Variants in THADA observed in about 807,000 individuals in gnomAD.
THADA encodes the protein THADA armadillo repeat containing.
A neutral mutation model predicts 219.8 loss-of-function variants in THADA; 213 were observed. The observed-to-expected ratio is 0.97, with a 90% CI of 0.87 to 1.09. The LOEUF (loss-of-function observed/expected upper bound fraction) is 1.09. Among genes scored for constraint, THADA ranks in the 50% least tolerant of loss-of-function variants. THADA has a pLI of 0.00. For missense variants in THADA, 2,956 were observed against 2,311.3 expected, an observed-to-expected ratio of 1.28 and a Z score of -5.72; for synonymous variants, 1,018 against 828.9, an observed-to-expected ratio of 1.23 and a Z score of -3.92.
chr2:43,484,614 C>A (rs1047882934), intron 26 of THADA, among the ~76,000 whole-genome samples: 6 of 152,090 alleles, frequency 3.9e-5, no homozygotes, highest in Admixed American at 1.3e-4. Context: ...GCATTTTTAT[C>A]TAAAAACTAC....
intron 23 of THADA, among the ~76,000 whole-genome samples, chr2:43,508,225 T>C (rs1006574568): frequency 5.3e-5 from 8 of 152,222 alleles, no homozygotes; most frequent in African/African-American, 1.9e-4. Context: ...GGACGTTTTA[T>C]AGGAGAATTG....
intron 36 of THADA, among the ~76,000 whole-genome samples, chr2:43,263,175 C>A (rs1172673104): frequency 6.6e-6 from 1 of 152,176 alleles, no homozygotes. Context: ...CTAATCCCTC[C>A]CCAGTAGCCC....
intron 36 of THADA, among the ~76,000 whole-genome samples, chr2:43,273,055 C>A (rs1343848784): frequency 6.6e-6 from 1 of 151,974 alleles, no homozygotes; most frequent in Non-Finnish European, 1.5e-5. Context: ...TCAAGACCAG[C>A]CTGGGCAACA....
intron 8 of THADA, among the ~76,000 whole-genome samples, chr2:43,581,339 G>A (rs1254648332): frequency 2.6e-5 from 4 of 151,970 alleles, no homozygotes; most frequent in African/African-American, 7.3e-5. Context: ...AGAACAGCCT[G>A]GCCAACATGG....
intron 15 of THADA, chr2:43,564,819 C>G (rs1443427257): frequency 6.6e-6 from 1 of 152,184 alleles, no homozygotes; most frequent in Non-Finnish European, 1.5e-5. Flanking sequence ...ATCAAATCAT[C>G]AGGAAACAAT....
At chr2:43,496,983 T>C (rs1688349129) in intron 25 of THADA, among the ~76,000 whole-genome samples, 1 of 152,170 alleles carries the variant, frequency 6.6e-6, no homozygotes, top group African/African-American at 2.4e-5. Flanking sequence ...AAAACCACAA[T>C]GAGATACCAT....
intron 30 of THADA, among the ~76,000 whole-genome samples, chr2:43,336,276 T>G (rs1436098137): frequency 6.6e-6 from 1 of 151,846 alleles, no homozygotes; most frequent in East Asian, 2.0e-4. Flanking sequence ...AACCATTTTT[T>G]TTTGTTTGTT....
At chr2:43,470,193 G>A (rs1171060451) in intron 26 of THADA, among the ~76,000 whole-genome samples, 13 of 144,190 alleles carry the variant, frequency 9.0e-5, no homozygotes, top group Non-Finnish European at 1.3e-4. Context: ...GGGTGACACG[G>A]TGAGACCTTG....
intron 32 of THADA, 127 bp downstream of exon 32, chr2:43,292,707 C>G (rs1572942216): frequency 4.2e-6 from 5 of 1,193,140 alleles, no homozygotes; most frequent in African/African-American, 1.5e-5. Context: ...CCACTGGCTG[C>G]CGAATCTACT....
chr2:43,575,658 G>A (rs763346853), intron 10 of THADA, among the ~76,000 whole-genome samples: 1 of 151,922 alleles, frequency 6.6e-6, no homozygotes, highest in Non-Finnish European at 1.5e-5. Context: ...TGCCTCAGCC[G>A]CCTCAGTAGC....
At chr2:43,315,712 C>A (rs1177386092) in intron 31 of THADA, among the ~76,000 whole-genome samples, 1 of 152,218 alleles carries the variant, frequency 6.6e-6, no homozygotes, top group Non-Finnish European at 1.5e-5. Context: ...GGCAATCCTC[C>A]TGCTTTGTCC....
At chr2:43,514,209 G>T (rs1690868250) in intron 22 of THADA, among the ~76,000 whole-genome samples, 1 of 151,746 alleles carries the variant, frequency 6.6e-6, no homozygotes, top group Non-Finnish European at 1.5e-5. Context: ...CAGCACTTTG[G>T]AAGGACGAGG....
At chr2:43,335,245 C>CA (rs1187929346) in intron 30 of THADA, among the ~76,000 whole-genome samples, 1 of 152,150 alleles carries the variant, frequency 6.6e-6, no homozygotes, top group Non-Finnish European at 1.5e-5. Context: ...TACTGCCATG[C>CA]AAAACCCTCA....
Position 43,551,887 on chromosome 2 carries a change from T to C in THADA, c.2849A>G (p.Glu950Gly). Residue 950 changes from glutamate (E) to glycine (G), a missense_variant, in exon 19 of 38, where the codon GAG (glutamate) becomes GGG (glycine). Coordinates refer to ENST00000405975, the MANE Select transcript of THADA (RefSeq NM_022065.5). ...QLVSEWRPVV[E>G]KLLLMSYRLS... is the part of the protein sequence containing the mutation. ...CCTGTAGGACATCAAAAGGAGCTTC[T>C]CTACCACAGGTCTCCACTCGCTCAC... The C allele has an allele frequency of 1.9e-6, 3 of 1,613,872 alleles. No individual in the cohort carries two copies. The highest frequency in any genetic ancestry group is 2.5e-6 in the Non-Finnish European group (3 of 1,179,852).
chr2:43,396,705 G>T (rs1558692685), intron 29 of THADA, among the ~76,000 whole-genome samples: 1 of 152,010 alleles, frequency 6.6e-6, no homozygotes, highest in Non-Finnish European at 1.5e-5. Context: ...CAGCTTCTCG[G>T]GAGGCTGAGG....
chr2:43,315,918 C>G (rs1384125835), intron 31 of THADA, among the ~76,000 whole-genome samples: 1 of 152,248 alleles, frequency 6.6e-6, no homozygotes, highest in East Asian at 1.9e-4. Context: ...ACTCCTTTGT[C>G]TACAGGGTCA....
intron 17 of THADA, among the ~76,000 whole-genome samples, chr2:43,553,186 A>G (rs1045604262): frequency 4.6e-5 from 7 of 152,184 alleles, no homozygotes; most frequent in Non-Finnish European, 8.8e-5. Context: ...CTTTTTGGCT[A>G]TTACAAATAA....
At chr2:43,500,020 C>T (rs1688739247) in intron 24 of THADA, among the ~76,000 whole-genome samples, 1 of 152,004 alleles carries the variant, frequency 6.6e-6, no homozygotes, top group Non-Finnish European at 1.5e-5. Flanking sequence ...AAACCCCTGA[C>T]ATGACTAACC....
At chr2:43,304,425 T>C (rs547752336) in intron 31 of THADA, among the ~76,000 whole-genome samples, 1 of 152,260 alleles carries the variant, frequency 6.6e-6, no homozygotes, top group East Asian at 1.9e-4. Flanking sequence ...AAATGTCACT[T>C]ATAAGTGCAA....
Sources: gnomAD v4.1 joint callset for allele counts (sites outside exome capture counted in the v4.1 genomes callset) on GRCh38, gnomAD v4.1.1 for gene constraint, MANE v1.5 for transcripts, NCBI Gene and HGNC (gene_info 2026-07-23, HGNC 2026-07-21) for gene names.